The following TMCC1 variants were observed in gnomAD, a reference collection of about 807,000 sequenced individuals.
TMCC1 encodes the protein transmembrane and coiled-coil domains protein 1.
In TMCC1, 15 loss-of-function variants were observed where a neutral mutation model predicts 52.4. That is an observed-to-expected ratio of 0.29 (90% CI 0.19 to 0.44). TMCC1 has a LOEUF of 0.44. Among genes scored for constraint, TMCC1 ranks in the 20% least tolerant of loss-of-function variants. The pLI is 1.00. For synonymous variants in TMCC1, 279 were observed against 301.9 expected (o/e 0.92, Z 0.79); for missense variants, 503 against 806.0 (o/e 0.62, Z 4.55).
At chr3:129,809,059 A>G (rs2107790142) in intron 4 of TMCC1, among the ~76,000 whole-genome samples, 1 of 151,810 alleles carries the variant, frequency 6.6e-6, no homozygotes, top group South Asian at 2.1e-4. Flanking sequence ...CATCCTGGCT[A>G]ACACAGTGAA....
chr3:129,845,485 C>G (rs980296704), intron 2 of TMCC1, among the ~76,000 whole-genome samples: 1 of 152,166 alleles, frequency 6.6e-6, no homozygotes, highest in Admixed American at 6.5e-5. Context: ...AGGCATCCAG[C>G]TTTCCTCAGA....
At chr3:129,688,130 T>C (rs781091239) in intron 4 of TMCC1, 420 of 984,742 alleles carry the variant, frequency 4.3e-4, no homozygotes, top group Middle Eastern at 5.2e-4. Flanking sequence ...ACAGCTGATA[T>C]AGAAAAGTCA....
At chr3:129,890,503 T>A (rs1211684226) in intron 1 of TMCC1, among the ~76,000 whole-genome samples, 1 of 152,224 alleles carries the variant, frequency 6.6e-6, no homozygotes, top group African/African-American at 2.4e-5. Flanking sequence ...TCTTGTTTAA[T>A]ATTCGCAACA....
Position 129,650,471 on chromosome 3 carries a change from G to A in TMCC1, c.*1010C>T, listed in dbSNP as rs2086256450. On this transcript the variant is annotated 3_prime_UTR_variant, in exon 7 of 7. Transcript: ENST00000393238. ...TGCATCTCAAAACAAAGGCGGCAGA[G>A]GGCAGCATTTACAGCAAGACTTTCT... The A allele has an allele frequency of 1.3e-5, 2 of 152,512 alleles. No individual in the cohort carries two copies. The highest frequency in any genetic ancestry group is 2.1e-4 in the South Asian group (1 of 4,826). The allele number at this position is 152,512 out of a possible 1,614,324, so 9.4% of individuals were successfully genotyped here.
intron 4 of TMCC1, among the ~76,000 whole-genome samples, chr3:129,785,291 C>G (rs1362635988): frequency 6.6e-6 from 1 of 152,052 alleles, no homozygotes; most frequent in Non-Finnish European, 1.5e-5. Flanking sequence ...ATCTTTATAC[C>G]TAACTCATGA....
At chr3:129,877,526 A>T (rs1577193679) in intron 2 of TMCC1, among the ~76,000 whole-genome samples, 1 of 152,026 alleles carries the variant, frequency 6.6e-6, no homozygotes. Flanking sequence ...ATTTAAATAT[A>T]ATCTATTTTA....
At chr3:129,733,571 T>C (rs140701512) in intron 4 of TMCC1, among the ~76,000 whole-genome samples, 143 of 152,224 alleles carry the variant, frequency 9.4e-4, no homozygotes, top group African/African-American at 3.2e-3. Context: ...AAGAGAATCA[T>C]TGGAGGAAAA....
At chr3:129,878,444 C>T (rs1352179350) in intron 2 of TMCC1, among the ~76,000 whole-genome samples, 1 of 152,162 alleles carries the variant, frequency 6.6e-6, no homozygotes, top group African/African-American at 2.4e-5. Context: ...AGCACATATC[C>T]AATCTATCAG....
intron 4 of TMCC1, among the ~76,000 whole-genome samples, chr3:129,771,774 CAA>C (rs755523077): frequency 2.6e-5 from 2 of 75,684 alleles, no homozygotes; most frequent in South Asian, 7.4e-4. Context: ...GACACTGTCT[CAA>C]AAAAAAAAAA....
At chr3:129,708,792 CT>C (rs2048430924) in intron 4 of TMCC1, among the ~76,000 whole-genome samples, 1 of 152,188 alleles carries the variant, frequency 6.6e-6, no homozygotes. Context: ...TCACTTATTA[CT>C]TTCCCCCAAA....
chr3:129,700,504 G>C (rs1289409675), intron 4 of TMCC1, among the ~76,000 whole-genome samples: 1 of 151,840 alleles, frequency 6.6e-6, no homozygotes, highest in African/African-American at 2.4e-5. Flanking sequence ...TTGAGACGGA[G>C]TCTCGCTCTG....
chr3:129,684,843 T>C (rs547256449), intron 4 of TMCC1, among the ~76,000 whole-genome samples: 2 of 152,350 alleles, frequency 1.3e-5, no homozygotes, highest in African/African-American at 4.8e-5. Context: ...ATTATGGTGC[T>C]ATGAGATTAT....
intron 5 of TMCC1, among the ~76,000 whole-genome samples, chr3:129,656,300 A>C (rs997115561): frequency 6.6e-6 from 1 of 152,250 alleles, no homozygotes; most frequent in African/African-American, 2.4e-5. Flanking sequence ...CCTCTCTGTC[A>C]GGCAGAGGGC....
intron 4 of TMCC1, among the ~76,000 whole-genome samples, chr3:129,762,887 C>A (rs2053728387): frequency 6.6e-6 from 1 of 151,948 alleles, no homozygotes. Flanking sequence ...CTGAAACACT[C>A]AGAAACATGT....
intron 4 of TMCC1, among the ~76,000 whole-genome samples, chr3:129,730,635 A>T (rs777338474): frequency 1.8e-4 from 28 of 152,168 alleles, no homozygotes; most frequent in Non-Finnish European, 3.2e-4. Context: ...TGACTCTTCT[A>T]GTTCTTTTGC....
chr3:129,875,490 CAAAAAAAAAAAAAA>C (rs370431347), intron 2 of TMCC1, among the ~76,000 whole-genome samples: 13 of 17,324 alleles, frequency 7.5e-4, no homozygotes, highest in Admixed American at 5.7e-3. Context: ...GACTCCATCT[CAAAAAAAAAAAAAA>C]AAAAAAAAAA....
At chr3:129,799,812 A>G (rs1023946719) in intron 4 of TMCC1, among the ~76,000 whole-genome samples, 6 of 152,192 alleles carry the variant, frequency 3.9e-5, no homozygotes, top group African/African-American at 1.4e-4. Flanking sequence ...ACTCTGTCTC[A>G]GAAACATTTT....
chr3:129,687,947 G>A (rs1210550946), intron 4 of TMCC1, among the ~76,000 whole-genome samples: 1 of 152,156 alleles, frequency 6.6e-6, no homozygotes, highest in Non-Finnish European at 1.5e-5. Context: ...TCTTTGCTCT[G>A]GAAATTTCTG....
In TMCC1 at chr3:129,765,975, ACT is replaced by A. The variant is rs367911816; in HGVS notation, c.576+61826_576+61827del. 4.1e-4 allele frequency among the ~76,000 whole-genome samples: 62 copies of A among 152,202 alleles called. 1 individual carries two copies. Among genetic ancestry groups the A allele is most frequent in the African/African-American group, 1.4e-3 (58 of 41,528 alleles). On this transcript the variant is annotated intron_variant, in intron 4 of 6. Coordinates refer to ENST00000393238, the MANE Select transcript of TMCC1 (RefSeq NM_001017395.5). ...AATATTTTGGGAGAAATTTTCTCAG[ACT>A]CTGATTTGGATATACTCGAAGCCCA...
Sources: allele counts gnomAD v4.1 joint callset (sites outside exome capture counted in the v4.1 genomes callset), GRCh38; gene constraint gnomAD v4.1.1; transcripts MANE v1.5; gene names NCBI Gene and HGNC (gene_info 2026-07-23, HGNC 2026-07-21).